Variants in SARDH observed in about 807,000 individuals in gnomAD.
The protein encoded by SARDH is sarcosine dehydrogenase.
Under a neutral mutation model 109.1 loss-of-function variants are expected in SARDH, and 95 were observed. That is an observed-to-expected ratio of 0.87 (90% CI 0.74 to 1.03). The LOEUF is 1.03. Ranked by LOEUF, SARDH falls within the 50% of genes least tolerant of loss-of-function variation. SARDH has a pLI of 0.00. For missense variants in SARDH, 1,267 were observed against 1,287.8 expected (o/e 0.98, Z 0.25); for synonymous variants, 572 against 534.8 (o/e 1.07, Z -0.96).
intron 18 of SARDH, among the ~76,000 whole-genome samples, chr9:133,671,042 C>A (rs182527579): frequency 1.4e-4 from 22 of 152,226 alleles, no homozygotes; most frequent in African/African-American, 3.9e-4. Flanking sequence ...AGCTGGGTGC[C>A]CAACACCCAG....
chr9:133,719,434 G>T lies in SARDH; in HGVS notation c.916-392C>A, dbSNP rs561230954. Reference sequence around the variant, plus strand: ...GACGCAGAGTGGATGGAGGAGGGGTGAGACTTAGCTGGGGCTGGAGGAGAG... The same window carrying T: ...GACGCAGAGTGGATGGAGGAGGGGTTAGACTTAGCTGGGGCTGGAGGAGAG... On this transcript the variant is annotated intron_variant, in intron 6 of 20. Coordinates refer to ENST00000439388, the MANE Select transcript of SARDH (RefSeq NM_001134707.2). 9.2e-3 allele frequency among the ~76,000 whole-genome samples: 1,394 copies of T among 152,298 alleles called. 18 individuals carry two copies. The highest frequency in any genetic ancestry group is 0.031 in the African/African-American group (1,297 of 41,566).
Position 133,729,774 on chromosome 9 carries a change from C to T in SARDH, c.906G>A (p.Glu302=), listed in dbSNP as rs768864618. ...GGGGCTGTCCACCTACCTGAATCCC[C>T]TCGATGCGCTCGGTGACGACATAGG... is the stretch of plus-strand genomic sequence containing the variant. ...HHAYVVTERI[E]GIQNMPNVRD... is the part of the protein sequence containing the mutation. The change falls in exon 6 of 21, where the codon GAG becomes GAA. Residue 302 remains glutamate, a synonymous_variant. Transcript: ENST00000439388. The T allele has an allele frequency of 6.2e-7, 1 of 1,612,660 alleles. No individual in the cohort carries two copies. Among genetic ancestry groups the T allele is most frequent in the Admixed American group, 1.7e-5 (1 of 59,994 alleles).
Position 133,670,569 on chromosome 9 carries a change from C to G in SARDH, c.2495+15G>C, listed in dbSNP as rs773466137. On this transcript the variant is annotated intron_variant, in intron 19 of 20. Transcript: ENST00000439388. ...CAGTTGCTTCCGGGTGGGCGTGGAA[C>G]AGCGGGATACTCACTCCTCCATGGT... 6 of 1,564,066 alleles carry G rather than the reference C, an allele frequency of 3.8e-6. No individual in the cohort carries two copies. In the Admixed American group the frequency reaches 5.7e-5, roughly 15 times the overall value.
intron 3 of SARDH, among the ~76,000 whole-genome samples, 163 bp from the exon 4 acceptor site, chr9:133,731,647 A>G (rs1228638115): frequency 1.3e-5 from 2 of 152,202 alleles, no homozygotes; most frequent in East Asian, 3.9e-4. Context: ...CCGCTTCAGC[A>G]TAAGAGTTAA....
intron 17 of SARDH, among the ~76,000 whole-genome samples, chr9:133,683,342 G>A (rs531496301): frequency 5.3e-5 from 8 of 152,200 alleles, no homozygotes; most frequent in Admixed American, 2.6e-4. Context: ...CCACCTGGTC[G>A]TCTCCCCGTC....
Position 133,717,444 on chromosome 9 carries a change from C to T in SARDH, c.1032G>A (p.Lys344=). The change falls in exon 8 of 21, where the codon AAG becomes AAA. Residue 344 remains lysine, a synonymous_variant. Transcript: ENST00000439388. ...NPIFWEEVSD[K]FAFGLFDLDW... is the part of the protein sequence containing the mutation. The stretch of plus-strand genomic sequence containing the variant: ...CCAGGTCAAAGAGGCCGAAGGCAAA[C>T]TTGTCTGACACCTGCCAAGGCAGGG... 1 of 1,614,112 alleles carries T rather than the reference C, an allele frequency of 6.2e-7. No homozygotes were observed. The highest frequency in any genetic ancestry group is 1.7e-5 in the Admixed American group (1 of 60,018).
rs1831120195 is a variant in SARDH, at chr9:133,692,116, C to T, written c.1922-1589G>A. On this transcript the variant is annotated intron_variant, in intron 15 of 20. Transcript: ENST00000439388. This position sits in a 1 kb window ranked among gnomAD's most constrained non-coding sequence, Gnocchi z 5.0. ...AAACTGAGGCTCAGGGAGGCTGCTC[C>T]CCAGCCCTCCCAGCACCCCCAGACT... is the stretch of plus-strand genomic sequence containing the variant. Among the ~76,000 whole-genome samples, 1 of 152,140 alleles carries T rather than the reference C, an allele frequency of 6.6e-6. No homozygotes were observed. Among genetic ancestry groups the T allele is most frequent in the African/African-American group, 2.4e-5 (1 of 41,422 alleles).
intron 17 of SARDH, among the ~76,000 whole-genome samples, chr9:133,683,285 C>T (rs1020691690): frequency 5.3e-5 from 8 of 152,146 alleles, no homozygotes; most frequent in East Asian, 1.9e-4. Context: ...AGTGGCCGTG[C>T]GGGTGGGGGC....
At chr9:133,676,914 G>A (rs1225140093) in intron 17 of SARDH, among the ~76,000 whole-genome samples, 5 of 152,300 alleles carry the variant, frequency 3.3e-5, no homozygotes, top group South Asian at 2.1e-4. Context: ...CGAGTTGGGC[G>A]GATCACTTGA....
Position 133,706,891 on chromosome 9 carries a change from C to T in SARDH, c.1470+1396G>A, listed in dbSNP as rs144756225. On this transcript the variant is annotated intron_variant, in intron 11 of 20. Transcript: ENST00000439388. ...CCGAGGCCCCAAGAAGGAGGAGGCACGCCCAAGGCCACAGCATTCATCAAT... is the reference window on the plus strand; with the variant it reads ...CCGAGGCCCCAAGAAGGAGGAGGCATGCCCAAGGCCACAGCATTCATCAAT... Among the ~76,000 whole-genome samples the T allele has an allele frequency of 3.3e-3, 500 of 152,230 alleles. 4 individuals are homozygous for T. The highest frequency in any genetic ancestry group is 3.9e-3 in the Non-Finnish European group (267 of 67,992).
chr9:133,684,832 C>T (rs566423271), intron 17 of SARDH, among the ~76,000 whole-genome samples: 1 of 152,206 alleles, frequency 6.6e-6, no homozygotes, highest in East Asian at 1.9e-4. Flanking sequence ...TCGGCCCTCC[C>T]GTTTCCAGGA....
intron 17 of SARDH, among the ~76,000 whole-genome samples, chr9:133,675,024 A>G (rs963773440): frequency 6.6e-6 from 1 of 152,184 alleles, no homozygotes; most frequent in African/African-American, 2.4e-5. Context: ...CAACTTAACA[A>G]TAAAAAGTCA....
intron 13 of SARDH, among the ~76,000 whole-genome samples, chr9:133,698,528 A>T (rs1831368942): frequency 6.6e-6 from 1 of 152,280 alleles, no homozygotes; most frequent in African/African-American, 2.4e-5. Context: ...ACTTGCTATT[A>T]AAATACAAAG....
rs373235744 is a variant in SARDH at position 133,687,518 on chromosome 9, C to T, written c.2070-2232G>A. 7.2e-5 allele frequency among the ~76,000 whole-genome samples: 11 copies of T among 152,262 alleles called. No individual in the cohort carries two copies. The East Asian group carries it at 1.9e-3, about 27-fold the overall frequency. On this transcript the variant is annotated intron_variant, in intron 16 of 20. Coordinates refer to ENST00000439388, the MANE Select transcript of SARDH (RefSeq NM_001134707.2). ...CTGGTCTCAAACTCCCGGACTCAAG[C>T]GATCTTATCACCTCGGCCTCCCAAA...
chr9:133,704,883 T>C lies in SARDH; in HGVS notation c.1554+65A>G, dbSNP rs2510247. ...CACGGAGGGGCAAGGACGGGGCACG[T>C]GGAGGGGCAAGGGGGTTGTCAGGGC... On this transcript the variant is annotated intron_variant, in intron 12 of 20. Coordinates refer to ENST00000439388, the MANE Select transcript of SARDH (RefSeq NM_001134707.2). The surrounding 1 kb of genome is among the most constrained non-coding windows in gnomAD (Gnocchi z 4.5). 1,286,017 of 1,416,634 alleles carry C rather than the reference T, an allele frequency of 0.91. 586,203 individuals are homozygous for C. Among genetic ancestry groups the C allele is most frequent in the East Asian group, 1 (40,038 of 40,220 alleles). The allele number at this position is 1,416,634 out of a possible 1,614,324, so 87.8% of individuals were successfully genotyped here.
intron 17 of SARDH, among the ~76,000 whole-genome samples, chr9:133,679,849 G>T (rs1019548801): frequency 6.6e-6 from 1 of 152,286 alleles, no homozygotes; most frequent in South Asian, 2.1e-4. Context: ...AGCGGCAGGC[G>T]CCCGCTCTCG....
At chr9:133,697,373 T>C (rs1436839251) in intron 13 of SARDH, among the ~76,000 whole-genome samples, 2 of 152,204 alleles carry the variant, frequency 1.3e-5, no homozygotes, top group Non-Finnish European at 2.9e-5. Context: ...TACCCATTTT[T>C]CCCAAACTCT....
At chr9:133,695,453 A>G (rs1441511701) in intron 14 of SARDH, among the ~76,000 whole-genome samples, 1 of 152,160 alleles carries the variant, frequency 6.6e-6, no homozygotes, top group Admixed American at 6.5e-5. Flanking sequence ...AAAACAAAAC[A>G]AAACAAAAAA....
rs756663876 is a variant in SARDH, at chr9:133,712,959, CT to C, written c.1237+78del. ...ACCACTGTCGGGGGCCACGGTGCTC[CT>C]GCGCCCGCCTCCCCCAGAGCTCTGG... is the stretch of plus-strand genomic sequence containing the variant. On this transcript the variant is annotated intron_variant, in intron 9 of 20. Transcript: ENST00000439388. The surrounding 1 kb of genome is among the most constrained non-coding windows in gnomAD (Gnocchi z 4.1). The C allele has an allele frequency of 7.8e-6, 11 of 1,412,222 alleles. 1 individual carries two copies. The highest frequency in any genetic ancestry group is 2.5e-5 in the South Asian group (2 of 81,622). 87.5% of individuals were successfully genotyped at this position (1,412,222 alleles called of 1,614,324 possible). A position where few individuals can be genotyped will look rare whatever the true frequency, so the allele number is the denominator to read the frequency against.
Sources: gnomAD v4.1 joint callset for allele counts (sites outside exome capture counted in the v4.1 genomes callset) on GRCh38, gnomAD v4.1.1 for gene constraint, Gnocchi (gnomAD v3.1) non-coding constraint, MANE v1.5 for transcripts, NCBI Gene and HGNC (gene_info 2026-07-23, HGNC 2026-07-21) for gene names.